HS1BP3: variants seen among roughly 807,000 people sequenced by gnomAD.
HS1BP3 encodes the protein HCLS1 binding protein 3, also known as HCLS1-binding protein 3.
HS1BP3 carries 32 observed loss-of-function variants against 33.5 expected under a neutral mutation model. The ratio of observed to expected loss-of-function variants is 0.95; its 90% CI spans 0.72 to 1.28. The LOEUF (loss-of-function observed/expected upper bound fraction) is 1.28, where lower values mean the gene tolerates loss of function less well. Ranked by LOEUF, HS1BP3 falls within the 50% of genes most tolerant of loss-of-function variation. The pLI, the probability that HS1BP3 is intolerant of heterozygous loss-of-function variation, is 0.00. For missense variants in HS1BP3, 486 were observed against 502.3 expected (o/e 0.97, Z 0.31); for synonymous variants, 187 against 209.2 (o/e 0.89, Z 0.92).
chr2:20,587,578 T>C (rs1693712186), intron 5 of HS1BP3, among the ~76,000 whole-genome samples: 1 of 152,114 alleles, frequency 6.6e-6, no homozygotes, highest in Non-Finnish European at 1.5e-5. Context: ...GGTCCCATGG[T>C]AGGTCAGTGG....
chr2:20,617,297 A>C (rs1388293001), downstream of HS1BP3, among the ~76,000 whole-genome samples: 1 of 152,110 alleles, frequency 6.6e-6, no homozygotes, highest in East Asian at 1.9e-4. Flanking sequence ...AGTGCTGGGA[A>C]GGAGGGGCGG....
chr2:20,622,031 A>G (rs910363481), intron 6 of HS1BP3: 2 of 409,888 alleles, frequency 4.9e-6, no homozygotes, highest in East Asian at 1.5e-4. Context: ...ACTCACCTAA[A>G]CATCTAGACT....
chr2:20,627,814 C>A (rs890335329), intron 4 of HS1BP3, among the ~76,000 whole-genome samples: 1 of 152,146 alleles, frequency 6.6e-6, no homozygotes, highest in Admixed American at 6.5e-5. Context: ...AGGGTCCTAT[C>A]CTGAGCGGCC....
intron 5 of HS1BP3, among the ~76,000 whole-genome samples, chr2:20,569,699 T>C (rs1383957355): frequency 6.6e-6 from 1 of 152,220 alleles, no homozygotes; most frequent in Non-Finnish European, 1.5e-5. Context: ...CCGACTCCAT[T>C]GATCCCAGTG....
At chr2:20,555,828 G>C (rs1692828315), downstream of HS1BP3, among the ~76,000 whole-genome samples, 1 of 152,066 alleles carries the variant, frequency 6.6e-6, no homozygotes, top group Admixed American at 6.5e-5. Flanking sequence ...CTTGATCTTA[G>C]AAACTCCCAG....
At chr2:20,561,714 A>G (rs1693002155) in intron 5 of HS1BP3, among the ~76,000 whole-genome samples, 1 of 152,198 alleles carries the variant, frequency 6.6e-6, no homozygotes, top group African/African-American at 2.4e-5. Flanking sequence ...TGATGTAATA[A>G]GAAATATATA....
downstream of HS1BP3, among the ~76,000 whole-genome samples, chr2:20,556,559 C>T (rs528354109): frequency 9.9e-5 from 15 of 152,260 alleles, no homozygotes; most frequent in East Asian, 2.3e-3. Context: ...GTCTATAGGT[C>T]GATTTCAACA....
chr2:20,597,847 C>T (rs1239984763), intron 3 of HS1BP3, among the ~76,000 whole-genome samples: 1 of 152,136 alleles, frequency 6.6e-6, no homozygotes, highest in Non-Finnish European at 1.5e-5. Context: ...TAAACCCTTG[C>T]TGTTGTTTTC....
rs140785209 is a variant in HS1BP3, at chr2:20,579,692, C to T, written c.303-19177G>A. 1.5e-4 allele frequency among the ~76,000 whole-genome samples: 23 copies of T among 152,356 alleles called. No homozygotes were observed. The East Asian group carries it at 4.0e-3, about 27-fold the overall frequency. ...CAAGAGGAAAACCAATACCAAGTCA[C>T]CTACCCACAAGTCCCACGGGAATAC... On this transcript the variant is annotated intron_variant, in intron 5 of 5. Coordinates refer to the HS1BP3 transcript ENST00000446825.
chr2:20,586,577 G>A (rs1194897894), intron 5 of HS1BP3: 1 of 152,200 alleles, frequency 6.6e-6, no homozygotes, highest in Admixed American at 6.5e-5. Flanking sequence ...CCATTTCCCA[G>A]GAAGGACTTT....
intron 2 of HS1BP3, among the ~76,000 whole-genome samples, chr2:20,642,993 C>T (rs1011580375): frequency 1.3e-5 from 2 of 152,240 alleles, no homozygotes; most frequent in Non-Finnish European, 2.9e-5. Flanking sequence ...CAAATCAGTA[C>T]ACGTTTATAT....
intron 4 of HS1BP3, among the ~76,000 whole-genome samples, chr2:20,627,091 C>G (rs1437684913): frequency 6.6e-6 from 1 of 152,218 alleles, no homozygotes; most frequent in African/African-American, 2.4e-5. Flanking sequence ...CTGTTCTGCC[C>G]GATGCTTCTC....
intron 2 of HS1BP3, among the ~76,000 whole-genome samples, chr2:20,600,348 T>C (rs967506182): frequency 6.6e-6 from 1 of 152,104 alleles, no homozygotes; most frequent in African/African-American, 2.4e-5. Flanking sequence ...AAAGAGGGAT[T>C]AATAGAGCCC....
At chr2:20,637,172 G>T (rs13013492) in intron 4 of HS1BP3, 150,084 of 152,374 alleles carry the variant, frequency 0.98, 73,960 homozygotes, top group East Asian at 1. Context: ...GGAGCCGCTC[G>T]GCTAAGTGTG....
intron 6 of HS1BP3, chr2:20,622,602 G>A (rs1011425560): frequency 5.1e-5 from 16 of 316,400 alleles, no homozygotes; most frequent in African/African-American, 3.0e-4. Flanking sequence ...ACTGTACCAC[G>A]TTCTGCAGAA....
At chr2:20,579,099 C>G (rs1693469111) in intron 5 of HS1BP3, among the ~76,000 whole-genome samples, 1 of 152,250 alleles carries the variant, frequency 6.6e-6, no homozygotes, top group South Asian at 2.1e-4. Flanking sequence ...ATATGCTCAT[C>G]TGGAGGCTTC....
chr2:20,587,386 G>T (rs1693706935), intron 5 of HS1BP3, among the ~76,000 whole-genome samples: 1 of 152,216 alleles, frequency 6.6e-6, no homozygotes, highest in Non-Finnish European at 1.5e-5. Context: ...CCCATCTGTG[G>T]CAGGGAGAGC....
chr2:20,589,560 G>A (rs780274851), downstream of HS1BP3, among the ~76,000 whole-genome samples: 10 of 152,338 alleles, frequency 6.6e-5, no homozygotes, highest in Admixed American at 5.2e-4. Flanking sequence ...GCGGCAGCTG[G>A]TCAGTGAGGC....
In HS1BP3 at chr2:20,650,998, G is replaced by A. The variant is rs772269073; in HGVS notation, c.32+34C>T. The A allele has an allele frequency of 4.6e-5, 57 of 1,234,740 alleles. 1 individual carries two copies. In the East Asian group the frequency reaches 1.7e-3, roughly 37 times the overall value. 76.5% of individuals were successfully genotyped at this position (1,234,740 alleles called of 1,614,324 possible). The stretch of plus-strand genomic sequence containing the variant: ...TCCGCCCGGGCGCCCCGGACTGCGA[G>A]CTGTGCGGTGTGGGGCGCGGGGGTC... On this transcript the variant is annotated intron_variant, in intron 1 of 6. Coordinates refer to ENST00000304031, the MANE Select transcript of HS1BP3 (RefSeq NM_022460.4).
Sources: gnomAD v4.1 joint callset for allele counts (sites outside exome capture counted in the v4.1 genomes callset) on GRCh38, gnomAD v4.1.1 for gene constraint, MANE v1.5 for transcripts, NCBI Gene and HGNC (gene_info 2026-07-23, HGNC 2026-07-21) for gene names.